The following PCDHGB4 variants were observed in gnomAD, a reference collection of about 807,000 sequenced individuals.
PCDHGB4 encodes protocadherin gamma-B4.
A neutral mutation model predicts 60.5 loss-of-function variants in PCDHGB4; 38 were observed. The ratio of observed to expected loss-of-function variants is 0.63; its 90% confidence interval spans 0.48 to 0.82. The LOEUF (loss-of-function observed/expected upper bound fraction) is 0.82, where lower values mean the gene tolerates loss of function less well. Among genes scored for constraint, PCDHGB4 ranks in the 40% least tolerant of loss-of-function variants. The pLI is 0.00. For missense variants in PCDHGB4, 1,109 were observed against 1,209.6 expected (o/e 0.92, Z 1.23); for synonymous variants, 456 against 509.7 (o/e 0.89, Z 1.42).
chr5:141,392,280 G>A (rs1299678398), intron 1 of PCDHGB4: 3 of 152,190 alleles, frequency 2.0e-5, no homozygotes, highest in African/African-American at 7.2e-5. Context: ...AAAGCTTAGA[G>A]CACAATGGGA....
At chr5:141,443,169 T>C (rs946262743) in intron 1 of PCDHGB4, among the ~76,000 whole-genome samples, 2 of 152,170 alleles carry the variant, frequency 1.3e-5, no homozygotes, top group Non-Finnish European at 2.9e-5. Flanking sequence ...TCCCTACCCA[T>C]GTCCACTGCA....
Position 141,389,735 on chromosome 5 carries a change from G to A in PCDHGB4, c.1851G>A (p.Leu617=). 1 of 1,612,708 alleles carries A rather than the reference G, an allele frequency of 6.2e-7. No individual in the cohort carries two copies. The highest frequency in any genetic ancestry group is 8.5e-7 in the Non-Finnish European group (1 of 1,179,738). ...CTAGCGAGCCCGGGCTCTTCAGCCT[G>A]GGGCTGCGCACGGGCGAAGTGCGCA... The part of the protein sequence containing the change: ...LQASEPGLFS[L]GLRTGEVRTA... Residue 617 remains leucine (L), a synonymous_variant, in exon 1 of 4, where the codon CTG becomes CTA. Transcript: ENST00000519479.
rs748115530 is a variant in PCDHGB4 at position 141,489,429 on chromosome 5, G to C, written c.2398-5378G>C. 5 of 1,614,022 alleles carry C rather than the reference G, an allele frequency of 3.1e-6. No individual in the cohort carries two copies. The East Asian group carries it at 8.9e-5, about 29-fold the overall frequency. ...AGATGACAGATCTGTTGAGCCGGCG[G>C]CTGCAATTGGGCTCTGAGGAGAATG... On this transcript the variant is annotated intron_variant, in intron 1 of 3. Transcript: ENST00000519479. The surrounding 1 kb of genome is among the most constrained non-coding windows in gnomAD (Gnocchi z 4.5).
chr5:141,503,630 A>G, intron 2 of PCDHGB4, among the ~76,000 whole-genome samples: 1 of 152,088 alleles, frequency 6.6e-6, no homozygotes, highest in Admixed American at 6.6e-5. Flanking sequence ...AAGAAAAGAA[A>G]TAATTATTGA....
In PCDHGB4 at chr5:141,403,896, A is replaced by T. The variant is rs2094466164; in HGVS notation, c.2397+13615A>T. 6.2e-7 allele frequency: 1 copy of T among 1,613,866 alleles called. No individual in the cohort carries two copies. On this transcript the variant is annotated intron_variant, in intron 1 of 3. Transcript: ENST00000519479. The stretch of plus-strand genomic sequence containing the variant: ...CTAGATTATGAAGAATGTTCATTTT[A>T]TGAAATGGAAATACAAGCTGAAGAT...
intron 1 of PCDHGB4, chr5:141,440,448 A>G (rs2098178859): frequency 6.6e-6 from 1 of 152,168 alleles, no homozygotes; most frequent in East Asian, 1.9e-4. Context: ...CGCCATCTCA[A>G]AAAAAATGAA....
Position 141,422,952 on chromosome 5 carries a change from C to T in PCDHGB4, c.2397+32671C>T, listed in dbSNP as rs759618535. 11 of 1,614,254 alleles carry T rather than the reference C, an allele frequency of 6.8e-6. No homozygotes were observed. The East Asian group carries it at 2.0e-4, about 29-fold the overall frequency. On this transcript the variant is annotated intron_variant, in intron 1 of 3. Coordinates refer to ENST00000519479, the MANE Select transcript of PCDHGB4 (RefSeq NM_003736.4). ...CCCTCCCCACAGACGGCTCCACTGG[C>T]GTGGAGCTGGCGCCCCGCTCTGCGG...
At chr5:141,456,731 G>A (rs1282690673) in intron 1 of PCDHGB4, among the ~76,000 whole-genome samples, 1 of 152,214 alleles carries the variant, frequency 6.6e-6, no homozygotes, top group Non-Finnish European at 1.5e-5. Flanking sequence ...TTGGGAGGCT[G>A]AGGCGGGAGC....
At chr5:141,494,940 AG>A (rs888721888) in intron 2 of PCDHGB4, 75 bp downstream of exon 2, 1 of 1,610,860 alleles carries the variant, frequency 6.2e-7, no homozygotes, top group Non-Finnish European at 8.5e-7. Flanking sequence ...GAGATGGGGG[AG>A]GGCCCAGCAT....
chr5:141,418,036 G>T, intron 1 of PCDHGB4: 1 of 1,614,020 alleles, frequency 6.2e-7, no homozygotes, highest in Non-Finnish European at 8.5e-7. Context: ...TTAGTGTCCT[G>T]GATGTGTCGG....
intron 1 of PCDHGB4, chr5:141,423,700 G>A (rs753612385): frequency 7.5e-7 from 1 of 1,324,816 alleles, no homozygotes; most frequent in Non-Finnish European, 9.8e-7. Context: ...TTGGTGTCTT[G>A]GCACAAGTCT....
intron 1 of PCDHGB4, chr5:141,395,150 C>G: frequency 6.2e-7 from 1 of 1,614,162 alleles, no homozygotes; most frequent in Non-Finnish European, 8.5e-7. Flanking sequence ...CAGACATGCT[C>G]ATCAGTCAGG....
intron 1 of PCDHGB4, chr5:141,478,104 CTG>C: frequency 6.2e-7 from 1 of 1,614,118 alleles, no homozygotes; most frequent in Middle Eastern, 1.6e-4. Context: ...GCTACCCTCA[CTG>C]TGTCAGTAAC....
Position 141,477,100 on chromosome 5 carries a change from C to T in PCDHGB4, c.2398-17707C>T, listed in dbSNP as rs970613825. Reference sequence around the variant, plus strand: ...TTTACATCCAGGCCAAAGACAAGGGCGCCAATCCCGAAGGAGCACATTGCA... The same window carrying T: ...TTTACATCCAGGCCAAAGACAAGGGTGCCAATCCCGAAGGAGCACATTGCA... On this transcript the variant is annotated intron_variant, in intron 1 of 3. Transcript: ENST00000519479. The surrounding 1 kb of genome is among the most constrained non-coding windows in gnomAD (Gnocchi z 4.9). 1 of 1,614,098 alleles carries T rather than the reference C, an allele frequency of 6.2e-7. No homozygotes were observed. Among genetic ancestry groups the T allele is most frequent in the African/African-American group, 1.3e-5 (1 of 74,932 alleles).
chr5:141,414,253 G>A (rs768166537), intron 1 of PCDHGB4: 1 of 1,613,492 alleles, frequency 6.2e-7, no homozygotes, highest in Non-Finnish European at 8.5e-7. Flanking sequence ...ATTTAGTCCA[G>A]TGACTGAAGA....
chr5:141,395,605 A>G (rs1344642467), intron 1 of PCDHGB4: 3 of 198,976 alleles, frequency 1.5e-5, no homozygotes, highest in Non-Finnish European at 3.0e-5. Context: ...CCAAACTAGA[A>G]CTTCAGAAAA....
chr5:141,471,972 T>C (rs952480654), intron 1 of PCDHGB4, among the ~76,000 whole-genome samples: 1 of 152,212 alleles, frequency 6.6e-6, no homozygotes, highest in South Asian at 2.1e-4. Context: ...GTTGCATTAC[T>C]GTATAAATTT....
At chr5:141,417,050 C>T (rs1420453271) in intron 1 of PCDHGB4, 3 of 151,552 alleles carry the variant, frequency 2.0e-5, no homozygotes, top group Non-Finnish European at 4.4e-5. Flanking sequence ...AAAAAAACTG[C>T]TCTTGACATT....
intron 1 of PCDHGB4, chr5:141,415,006 C>A (rs1353721901): frequency 6.2e-7 from 1 of 1,613,652 alleles, no homozygotes; most frequent in Non-Finnish European, 8.5e-7. Context: ...GCTGTCCTAC[C>A]GTCTGCTCAA....
Sources: gnomAD v4.1 joint callset for allele counts (sites outside exome capture counted in the v4.1 genomes callset) on GRCh38, gnomAD v4.1.1 for gene constraint, Gnocchi (gnomAD v3.1) non-coding constraint, MANE v1.5 for transcripts, NCBI Gene and HGNC (gene_info 2026-07-23, HGNC 2026-07-21) for gene names.